Variants in PNPT1 observed in about 807,000 individuals in gnomAD.
PNPT1 encodes polyribonucleotide nucleotidyltransferase 1, mitochondrial.
A neutral mutation model predicts 119.5 loss-of-function variants in PNPT1; 53 were observed. The ratio of observed to expected loss-of-function variants is 0.44; its 90% CI spans 0.36 to 0.56. PNPT1 has a LOEUF of 0.56. PNPT1 is among the 20% of genes least tolerant of loss of function. PNPT1 has a pLI of 0.00. For missense variants in PNPT1, 948 were observed against 938.5 expected, an observed-to-expected ratio of 1.01 and a Z score of -0.13; for synonymous variants, 357 against 322.1, an observed-to-expected ratio of 1.11 and a Z score of -1.16.
rs1696009359 is a variant in PNPT1 at position 55,646,503 on chromosome 2, A to G, written c.1603-17T>C. 1 of 1,586,204 alleles carries G rather than the reference A, an allele frequency of 6.3e-7. No homozygotes were observed. Among genetic ancestry groups the G allele is most frequent in the African/African-American group, 1.4e-5 (1 of 73,574 alleles). The stretch of plus-strand genomic sequence containing the variant: ...TTCAATTCCCTTCAGGAATTTAAAA[A>G]GTTATGACATAGTTTTAAACAAAAA... On this transcript the variant is annotated splice_polypyrimidine_tract_variant and intron_variant, in intron 19 of 27. Transcript: ENST00000447944.
At chr2:55,645,050 G>C in intron 22 of PNPT1, 1 of 227,236 alleles carries the variant, frequency 4.4e-6, no homozygotes. Flanking sequence ...TTGAGACGGA[G>C]TCTCACTTTG....
intron 8 of PNPT1, among the ~76,000 whole-genome samples, chr2:55,677,009 C>CAA (rs1697093966): frequency 6.6e-6 from 1 of 151,996 alleles, no homozygotes; most frequent in African/African-American, 2.4e-5. Context: ...AACAGGTAAA[C>CAA]AAGGGGTTAA....
intron 19 of PNPT1, 99 bp downstream of exon 19, chr2:55,647,248 T>C: frequency 2.1e-6 from 2 of 971,692 alleles, no homozygotes; most frequent in Non-Finnish European, 3.0e-6. Context: ...AGGTGCAAAG[T>C]ACATATAGTC....
chr2:55,662,046 C>A lies in PNPT1; in HGVS notation c.1177-20G>T. 4 of 1,531,396 alleles carry A rather than the reference C, an allele frequency of 2.6e-6. No homozygotes were observed. The highest frequency in any genetic ancestry group is 3.5e-6 in the Non-Finnish European group (4 of 1,145,504). The allele number at this position is 1,531,396 out of a possible 1,614,324, so 94.9% of individuals were successfully genotyped here. A position where few individuals can be genotyped will look rare whatever the true frequency, so the allele number is the denominator to read the frequency against. ...AAGCACCTAAAAAAGAAAAAGAATT[C>A]CTCAGGCTTTAATATACTAACCACA... On this transcript the variant is annotated intron_variant, in intron 13 of 27. Transcript: ENST00000447944.
intron 9 of PNPT1, among the ~76,000 whole-genome samples, chr2:55,672,524 G>C (rs960369771): frequency 2.6e-5 from 4 of 152,124 alleles, no homozygotes; most frequent in African/African-American, 9.7e-5. Context: ...TCTGCCTAAC[G>C]TTCTAAGCAC....
Position 55,635,809 on chromosome 2 carries a change from G to T in PNPT1, c.*428C>A, listed in dbSNP as rs563266213. The T allele has an allele frequency of 1.3e-5, 2 of 152,810 alleles. No homozygotes were observed. Among genetic ancestry groups the T allele is most frequent in the Non-Finnish European group, 2.9e-5 (2 of 68,572 alleles). 9.5% of individuals were successfully genotyped at this position (152,810 alleles called of 1,614,324 possible). A position where few individuals can be genotyped will look rare whatever the true frequency, so the allele number is the denominator to read the frequency against. On this transcript the variant is annotated 3_prime_UTR_variant, in exon 28 of 28. Coordinates refer to ENST00000447944, the MANE Select transcript of PNPT1 (RefSeq NM_033109.5). Reference sequence around the variant, plus strand: ...TGTTCCAGTTTGTGAACCGTTGTAGGCAAGTAAAGTTGTTGGGCACAGAGG... The same window carrying T: ...TGTTCCAGTTTGTGAACCGTTGTAGTCAAGTAAAGTTGTTGGGCACAGAGG...
At chr2:55,644,850 A>G (rs1695936335) in intron 22 of PNPT1, 130 bp from the exon 23 acceptor site, 1 of 499,602 alleles carries the variant, frequency 2.0e-6, no homozygotes, top group African/African-American at 2.0e-5. Flanking sequence ...TATAAAACAG[A>G]AAAGTAGATG....
rs1006727644 is a variant in PNPT1, at chr2:55,634,365, G to A, written c.*1872C>T. 2.0e-5 allele frequency: 3 copies of A among 151,322 alleles called. No individual in the cohort carries two copies. The highest frequency in any genetic ancestry group is 6.6e-5 in the Admixed American group (1 of 15,124). The allele number at this position is 151,322 out of a possible 1,614,324, so 9.4% of individuals were successfully genotyped here. ...CAACCTCCATTTCCCAGGCTCAAGT[G>A]ATTCTCCTGCCTCAGCCTCCCGAGT... On this transcript the variant is annotated 3_prime_UTR_variant, in exon 28 of 28. Transcript: ENST00000447944.
intron 1 of PNPT1, among the ~76,000 whole-genome samples, chr2:55,688,338 C>T (rs1169725356): frequency 6.6e-6 from 1 of 152,178 alleles, no homozygotes; most frequent in Non-Finnish European, 1.5e-5. Context: ...CTGTGCCTGG[C>T]TCCATTTACC....
chr2:55,682,186 G>C lies in PNPT1; in HGVS notation c.454-1268C>G, dbSNP rs144560515. 2.5e-3 allele frequency among the ~76,000 whole-genome samples: 387 copies of C among 152,030 alleles called. 3 individuals are homozygous for C. The highest frequency in any genetic ancestry group is 3.6e-3 in the Non-Finnish European group (243 of 67,980). On this transcript the variant is annotated intron_variant, in intron 5 of 27. Coordinates refer to ENST00000447944, the MANE Select transcript of PNPT1 (RefSeq NM_033109.5). Reference sequence around the variant, plus strand: ...CCAATAAAAAATTTCTGTTGGCCAGGTGCAGTGGCTCAGGCCTATACCAGC... The same window carrying C: ...CCAATAAAAAATTTCTGTTGGCCAGCTGCAGTGGCTCAGGCCTATACCAGC...
intron 13 of PNPT1, among the ~76,000 whole-genome samples, chr2:55,664,692 A>C (rs1052487543): frequency 2.6e-5 from 4 of 152,190 alleles, no homozygotes; most frequent in African/African-American, 4.8e-5. Context: ...TCAATGATTA[A>C]ATTTAACATG....
chr2:55,672,951 T>C lies in PNPT1; in HGVS notation c.808A>G (p.Lys270Glu). The C allele has an allele frequency of 6.2e-7, 1 of 1,613,666 alleles. No individual in the cohort carries two copies. Among genetic ancestry groups the C allele is most frequent in the Non-Finnish European group, 8.5e-7 (1 of 1,179,876 alleles). ...GTAAATAACTTCTGAGGTGTCCTCTTGGTAACACCAGTTTCTTTTACCAAC... is the reference window on the plus strand; with the variant it reads ...GTAAATAACTTCTGAGGTGTCCTCTCGGTAACACCAGTTTCTTTTACCAAC... ...QQLVKETGVT[K>E]RTPQKLFTPS... The change falls in exon 9 of 28, where the codon AAG becomes GAG. Residue 270 changes from lysine to glutamate, a missense_variant. By Grantham distance (56) the Lys-to-Glu change is moderately conservative. Transcript: ENST00000447944.
intron 11 of PNPT1, among the ~76,000 whole-genome samples, chr2:55,669,817 G>A (rs570883341): frequency 1.3e-5 from 2 of 150,260 alleles, no homozygotes; most frequent in South Asian, 4.2e-4. Context: ...CTGGAGTGCA[G>A]TGGCGGTCTC....
chr2:55,683,861 A>C, intron 4 of PNPT1, 27 bp from the exon 5 acceptor site: 1 of 1,608,704 alleles, frequency 6.2e-7, no homozygotes, highest in Non-Finnish European at 8.5e-7. Context: ...AAACACATTA[A>C]ACCGTACTGA....
rs542921620 is a variant in PNPT1, at chr2:55,676,620, G to C, written c.679+3062C>G. ...CCCATGCCTGCAATCCCGGCACTTCGGGAGGCTGAGGCAGGTGGATCACCT... is the reference window on the plus strand; with the variant it reads ...CCCATGCCTGCAATCCCGGCACTTCCGGAGGCTGAGGCAGGTGGATCACCT... On this transcript the variant is annotated intron_variant, in intron 8 of 27. Coordinates refer to ENST00000447944, the MANE Select transcript of PNPT1 (RefSeq NM_033109.5). 2.0e-4 allele frequency among the ~76,000 whole-genome samples: 31 copies of C among 152,216 alleles called. No homozygotes were observed. The East Asian group carries it at 5.0e-3, about 25-fold the overall frequency.
At position 55,688,127 on chromosome 2, in the gene PNPT1, T is replaced by A. The variant is rs1039658129; in HGVS notation, c.162-422A>T. On this transcript the variant is annotated intron_variant, in intron 1 of 27. Coordinates refer to ENST00000447944, the MANE Select transcript of PNPT1 (RefSeq NM_033109.5). Reference sequence around the variant, plus strand: ...GGCACAATTACAGCTCACTGCAACCTAGAACACCTAGGCTCAAGCGATCCT... The same window carrying A: ...GGCACAATTACAGCTCACTGCAACCAAGAACACCTAGGCTCAAGCGATCCT... Among the ~76,000 whole-genome samples, 5 of 151,850 alleles carry A rather than the reference T, an allele frequency of 3.3e-5. No individual in the cohort carries two copies. The East Asian group carries it at 9.7e-4, about 29-fold the overall frequency.
chr2:55,692,830 A>C (rs1697659740), intron 1 of PNPT1, among the ~76,000 whole-genome samples: 1 of 152,088 alleles, frequency 6.6e-6, no homozygotes, highest in African/African-American at 2.4e-5. Flanking sequence ...TTGTACTCCT[A>C]ACTTCAAGTC....
At chr2:55,659,637 TC>T (rs1696499543) in intron 15 of PNPT1, among the ~76,000 whole-genome samples, 1 of 152,034 alleles carries the variant, frequency 6.6e-6, no homozygotes, top group South Asian at 2.1e-4. Context: ...AGTACTTATC[TC>T]TTATCTCTCT....
In PNPT1 at chr2:55,640,435, A is replaced by G. The variant is rs538480431; in HGVS notation, c.2148+192T>C. ...CCAGAGTGCTGGGATTACAGGCATG[A>G]GCCACCCTGCCCAGCCAATTTTTCT... On this transcript the variant is annotated intron_variant, in intron 26 of 27. Transcript: ENST00000447944. 2.0e-5 allele frequency among the ~76,000 whole-genome samples: 3 copies of G among 152,324 alleles called. No individual in the cohort carries two copies. In the East Asian group the frequency reaches 5.8e-4, roughly 29 times the overall value.
Sources: gnomAD v4.1 joint callset for allele counts (sites outside exome capture counted in the v4.1 genomes callset) on GRCh38, gnomAD v4.1.1 for gene constraint, MANE v1.5 for transcripts, NCBI Gene and HGNC (gene_info 2026-07-23, HGNC 2026-07-21) for gene names.